The following THSD7A variants were observed in gnomAD, a reference collection of about 807,000 sequenced individuals.
The protein encoded by THSD7A is thrombospondin type 1 domain containing 7A.
Under a neutral mutation model 231.3 loss-of-function variants are expected in THSD7A, and 96 were observed. That is an observed-to-expected ratio of 0.41 (90% CI 0.35 to 0.49). THSD7A has a LOEUF of 0.49. Ranked by LOEUF, THSD7A falls within the 20% of genes least tolerant of loss-of-function variation. The probability of loss-of-function intolerance (pLI) is 0.05; values close to 1 mark genes in which losing one functional copy is unlikely to be tolerated. For synonymous variants in THSD7A, 940 were observed against 743.3 expected, an observed-to-expected ratio of 1.26 and a Z score of -4.30; for missense variants, 2,290 against 2,070.2, an observed-to-expected ratio of 1.11 and a Z score of -2.06.
intron 7 of THSD7A, among the ~76,000 whole-genome samples, chr7:11,479,899 A>T (rs900062810): frequency 6.6e-6 from 1 of 152,086 alleles, no homozygotes; most frequent in Non-Finnish European, 1.5e-5. Flanking sequence ...TATATATTTC[A>T]AAATAGCTGG....
intron 1 of THSD7A, among the ~76,000 whole-genome samples, chr7:11,671,105 G>C (rs1229380649): frequency 6.6e-6 from 1 of 152,172 alleles, no homozygotes; most frequent in Non-Finnish European, 1.5e-5. Flanking sequence ...ATACCTGAAG[G>C]CTACAAGAGA....
Position 11,375,605 on chromosome 7 carries a change from G to C in THSD7A, c.*189C>G, listed in dbSNP as rs1782237206. The C allele has an allele frequency of 7.3e-6, 3 of 412,880 alleles. No individual in the cohort carries two copies. The highest frequency in any genetic ancestry group is 1.3e-5 in the Non-Finnish European group (3 of 231,380). 25.6% of individuals were successfully genotyped at this position (412,880 alleles called of 1,614,324 possible). On this transcript the variant is annotated 3_prime_UTR_variant, in exon 28 of 28. Coordinates refer to ENST00000423059, the MANE Select transcript of THSD7A (RefSeq NM_015204.3). The stretch of plus-strand genomic sequence containing the variant: ...TCTCCTATAATTCTCACGGTTGATG[G>C]TCTGTATATAAGTGGTACTGTCTTA...
intron 1 of THSD7A, among the ~76,000 whole-genome samples, chr7:11,648,087 C>T (rs1782351340): frequency 6.6e-6 from 1 of 152,064 alleles, no homozygotes; most frequent in South Asian, 2.1e-4. Context: ...TATTTCTAAT[C>T]AACTAGATAA....
At chr7:11,438,211 G>C (rs1335438567) in intron 13 of THSD7A, among the ~76,000 whole-genome samples, 1 of 151,976 alleles carries the variant, frequency 6.6e-6, no homozygotes, top group Admixed American at 6.6e-5. Flanking sequence ...ACTGTGAGAG[G>C]CTGGTGGAAT....
Position 11,779,785 on chromosome 7 carries a change from G to A in THSD7A, c.190+51972C>T, listed in dbSNP as rs375001593. Among the ~76,000 whole-genome samples the A allele has an allele frequency of 2.6e-5, 4 of 152,250 alleles. No individual in the cohort carries two copies. The South Asian group carries it at 8.3e-4, about 32-fold the overall frequency. Reference sequence around the variant, plus strand: ...AGTCATCAGTCATTGGGTTGAAGAAGTATTACAAAACACAACTAAATAATT... The same window carrying A: ...AGTCATCAGTCATTGGGTTGAAGAAATATTACAAAACACAACTAAATAATT... On this transcript the variant is annotated intron_variant, in intron 1 of 27. Transcript: ENST00000423059.
At chr7:11,432,175 A>T (rs990180704) in intron 13 of THSD7A, among the ~76,000 whole-genome samples, 2 of 152,126 alleles carry the variant, frequency 1.3e-5, no homozygotes, top group Admixed American at 1.3e-4. Context: ...TACAATCCAT[A>T]GCACTTACTC....
chr7:11,657,100 G>T (rs4721000), intron 1 of THSD7A, among the ~76,000 whole-genome samples: 35,780 of 151,664 alleles, frequency 0.24, 4,338 homozygotes, highest in East Asian at 0.31. Context: ...CCTTAAAAAT[G>T]TGCTTTAAAT....
At chr7:11,548,752 A>G (rs1304242249) in intron 4 of THSD7A, among the ~76,000 whole-genome samples, 4 of 152,118 alleles carry the variant, frequency 2.6e-5, no homozygotes, top group Admixed American at 6.6e-5. Context: ...AAAAACAAAA[A>G]TCACATGATT....
chr7:11,418,147 G>A (rs985710846), intron 16 of THSD7A, among the ~76,000 whole-genome samples: 4 of 152,170 alleles, frequency 2.6e-5, no homozygotes, highest in South Asian at 2.1e-4. Flanking sequence ...GGCATTTATC[G>A]ATTCATTTTG....
At chr7:11,422,618 G>C (rs1023534814) in intron 16 of THSD7A, among the ~76,000 whole-genome samples, 24 of 106,892 alleles carry the variant, frequency 2.2e-4, no homozygotes, top group African/African-American at 8.9e-4. Flanking sequence ...AAAAAAAAAA[G>C]TAACATGTAC....
intron 4 of THSD7A, among the ~76,000 whole-genome samples, chr7:11,572,242 C>T (rs1338532863): frequency 6.6e-6 from 1 of 152,082 alleles, no homozygotes; most frequent in Non-Finnish European, 1.5e-5. Flanking sequence ...CTCCAATCTT[C>T]TCTCTTTAGA....
rs770916561 is a variant in THSD7A, at chr7:11,811,361, G to A, written c.190+20396C>T. 2.8e-4 allele frequency among the ~76,000 whole-genome samples: 43 copies of A among 152,232 alleles called. No individual in the cohort carries two copies. The East Asian group carries it at 3.1e-3, about 11-fold the overall frequency. ...ATACTTAAGGAGTAAAATGCTTTGCGTGCTCATGATGCATTTAGGAGTAGC... is the reference window on the plus strand; with the variant it reads ...ATACTTAAGGAGTAAAATGCTTTGCATGCTCATGATGCATTTAGGAGTAGC... On this transcript the variant is annotated intron_variant, in intron 1 of 27. Coordinates refer to ENST00000423059, the MANE Select transcript of THSD7A (RefSeq NM_015204.3).
At chr7:11,671,297 C>A (rs919060472) in intron 1 of THSD7A, among the ~76,000 whole-genome samples, 5 of 152,090 alleles carry the variant, frequency 3.3e-5, no homozygotes, top group African/African-American at 1.2e-4. Flanking sequence ...TTTTTTAAAA[C>A]ATTACCAACT....
intron 1 of THSD7A, among the ~76,000 whole-genome samples, chr7:11,710,524 A>G (rs1451784569): frequency 2.0e-5 from 3 of 150,838 alleles, no homozygotes; most frequent in Admixed American, 1.3e-4. Flanking sequence ...AGAGGCCAGA[A>G]TTATTTGAGA....
intron 9 of THSD7A, among the ~76,000 whole-genome samples, chr7:11,463,884 C>T (rs958379704): frequency 4.6e-5 from 7 of 152,102 alleles, no homozygotes; most frequent in African/African-American, 1.4e-4. Flanking sequence ...TTTTAAGGCC[C>T]AGGTGATAAA....
In THSD7A at chr7:11,706,630, C is replaced by CTTTTTTTTTTT. The variant is rs66964252; in HGVS notation, c.191-69680_191-69670dup. On this transcript the variant is annotated intron_variant, in intron 1 of 27. Transcript: ENST00000423059. ...ATTGACTAAAAATTTTAACAAGGTG[C>CTTTTTTTTTTT]TTTTTTTTTTTTTTTTTTTTTTTTT... Among the ~76,000 whole-genome samples the CTTTTTTTTTTT allele has an allele frequency of 1.1e-4, 7 of 66,420 alleles. 1 individual carries two copies. The highest frequency in any genetic ancestry group is 1.9e-4 in the Non-Finnish European group (7 of 36,892). 43.6% of individuals were successfully genotyped at this position (66,420 alleles called of 152,430 possible). A position where few individuals can be genotyped will look rare whatever the true frequency, so the allele number is the denominator to read the frequency against.
At chr7:11,639,920 C>T (rs542289139) in intron 1 of THSD7A, among the ~76,000 whole-genome samples, 1 of 152,216 alleles carries the variant, frequency 6.6e-6, no homozygotes, top group South Asian at 2.1e-4. Flanking sequence ...GTGAAGATAT[C>T]AAACTCTTAC....
At position 11,411,904 on chromosome 7, in the gene THSD7A, ATT is replaced by A. The variant is rs140836049; in HGVS notation, c.3683-584_3683-583del. On this transcript the variant is annotated intron_variant, in intron 18 of 27. Coordinates refer to ENST00000423059, the MANE Select transcript of THSD7A (RefSeq NM_015204.3). This position sits in a 1 kb window ranked among gnomAD's most constrained non-coding sequence, Gnocchi z 4.1. ...ACATAGCACATCCCAGATAACTGTGATTTTTTTTTTTTGTATCATCAAAGGAA... is the reference window on the plus strand; with the variant it reads ...ACATAGCACATCCCAGATAACTGTGATTTTTTTTTTGTATCATCAAAGGAA... Among the ~76,000 whole-genome samples the A allele has an allele frequency of 4.1e-3, 605 of 147,912 alleles. 10 individuals carry two copies. The highest frequency in any genetic ancestry group is 0.014 in the African/African-American group (561 of 40,626).
chr7:11,424,932 A>G, intron 15 of THSD7A, 103 bp from the exon 16 acceptor site: 1 of 1,377,872 alleles, frequency 7.3e-7, no homozygotes. Context: ...AGCTACTTTC[A>G]CTCCCCTCCT....
Sources: allele counts gnomAD v4.1 joint callset (sites outside exome capture counted in the v4.1 genomes callset), GRCh38; gene constraint gnomAD v4.1.1; non-coding constraint Gnocchi (gnomAD v3.1); transcripts MANE v1.5; gene names NCBI Gene and HGNC (gene_info 2026-07-23, HGNC 2026-07-21).